SERPINB10: variants seen among roughly 807,000 people sequenced by gnomAD.
The protein encoded by SERPINB10 is serpin B10.
SERPINB10 carries 35 observed loss-of-function variants against 39.1 expected under a neutral mutation model. That is an observed-to-expected ratio of 0.90 (90% confidence interval 0.68 to 1.19). The LOEUF (loss-of-function observed/expected upper bound fraction) is 1.19, where lower values mean the gene tolerates loss of function less well. Among genes scored for constraint, SERPINB10 ranks in the 50% most tolerant of loss-of-function variants. The pLI, the probability that SERPINB10 is intolerant of heterozygous loss-of-function variation, is 0.00. For missense variants in SERPINB10, 546 were observed against 460.5 expected, an observed-to-expected ratio of 1.19 and a Z score of -1.70; for synonymous variants, 190 against 158.1, an observed-to-expected ratio of 1.20 and a Z score of -1.52.
intron 1 of SERPINB10, among the ~76,000 whole-genome samples, chr18:63,915,035 A>C (rs2050091264): frequency 6.6e-6 from 1 of 152,090 alleles, no homozygotes; most frequent in African/African-American, 2.4e-5. Flanking sequence ...CAAACCGTGA[A>C]TATCGTAAAT....
chr18:63,912,140 G>C (rs1262824338), intron 1 of SERPINB10, among the ~76,000 whole-genome samples: 1 of 152,010 alleles, frequency 6.6e-6, no homozygotes, highest in Non-Finnish European at 1.5e-5. Context: ...TTTGTGTTCT[G>C]AAGCTTTACT....
At chr18:63,915,119 A>G (rs1204673647) in intron 1 of SERPINB10, among the ~76,000 whole-genome samples, 1 of 152,130 alleles carries the variant, frequency 6.6e-6, no homozygotes, top group Non-Finnish European at 1.5e-5. Context: ...ACGAAGCAGC[A>G]TAAAAAGAAT....
chr18:63,929,712 C>CA (rs74169990), intron 5 of SERPINB10, among the ~76,000 whole-genome samples: 2,583 of 96,840 alleles, frequency 0.027, 62 homozygotes, highest in Non-Finnish European at 0.042. Context: ...AGCTAAAGTG[C>CA]AAAAAAAAAA....
At chr18:63,930,327 C>G in intron 6 of SERPINB10, 140 bp downstream of exon 6, 1 of 892,886 alleles carries the variant, frequency 1.1e-6, no homozygotes, top group Non-Finnish European at 1.7e-6. Flanking sequence ...GGCTAAAAGC[C>G]TTCAGTTCCA....
intron 5 of SERPINB10, among the ~76,000 whole-genome samples, chr18:63,926,000 C>T (rs961868402): frequency 1.3e-5 from 2 of 152,004 alleles, no homozygotes; most frequent in Non-Finnish European, 2.9e-5. Flanking sequence ...CACAGCATGA[C>T]TTTGGTGGTT....
chr18:63,909,982 GC>G (rs1169443502), intron 1 of SERPINB10, among the ~76,000 whole-genome samples: 1 of 151,900 alleles, frequency 6.6e-6, no homozygotes, highest in African/African-American at 2.4e-5. Flanking sequence ...ATTATCATAA[GC>G]TTTTGGAGTA....
chr18:63,933,661 C>G (rs993716272), intron 7 of SERPINB10, among the ~76,000 whole-genome samples: 7 of 152,162 alleles, frequency 4.6e-5, no homozygotes, highest in Non-Finnish European at 8.8e-5. Context: ...TCTTCCAAAA[C>G]TTATTTGTTG....
At chr18:63,908,353 A>G (rs140146527) in intron 1 of SERPINB10, among the ~76,000 whole-genome samples, 88 of 152,194 alleles carry the variant, frequency 5.8e-4, no homozygotes, top group African/African-American at 2.1e-3. Flanking sequence ...TCATCAGTGG[A>G]GTTTCCTCCA....
chr18:63,935,292 T>G lies in SERPINB10; in HGVS notation c.*50T>G. ...AGACCATCTTACAGTGTGAAAAATG[T>G]ACCATGAGATGGAAAAGCACAATTT... On this transcript the variant is annotated 3_prime_UTR_variant, in exon 8 of 8. Coordinates refer to ENST00000238508, the MANE Select transcript of SERPINB10 (RefSeq NM_005024.3). 6.7e-7 allele frequency: 1 copy of G among 1,491,804 alleles called. No individual in the cohort carries two copies. The highest frequency in any genetic ancestry group is 8.9e-7 in the Non-Finnish European group (1 of 1,125,484). 92.4% of individuals were successfully genotyped at this position (1,491,804 alleles called of 1,614,324 possible).
intron 5 of SERPINB10, among the ~76,000 whole-genome samples, chr18:63,922,364 T>C (rs2050152416): frequency 6.6e-6 from 1 of 152,026 alleles, no homozygotes; most frequent in African/African-American, 2.4e-5. Context: ...GTACTTGCAC[T>C]TTTGTAGCTT....
At chr18:63,917,260 C>T (rs976161138) in intron 2 of SERPINB10, among the ~76,000 whole-genome samples, 196 bp from the exon 3 acceptor site, 2 of 151,866 alleles carry the variant, frequency 1.3e-5, no homozygotes, top group Non-Finnish European at 2.9e-5. Flanking sequence ...AACTTAAATT[C>T]GACTTTAGAA....
chr18:63,914,987 T>G lies in SERPINB10; in HGVS notation c.-9-515T>G, dbSNP rs556656859. ...GCATTTTCCAATTAGTTGTGCATGA[T>G]TCCATGTTTGCATAAATTAAAAATG... On this transcript the variant is annotated intron_variant, in intron 1 of 7. Transcript: ENST00000238508. 2.6e-5 allele frequency among the ~76,000 whole-genome samples: 4 copies of G among 152,238 alleles called. No individual in the cohort carries two copies. The South Asian group carries it at 8.3e-4, about 32-fold the overall frequency.
intron 2 of SERPINB10, among the ~76,000 whole-genome samples, chr18:63,915,911 A>G (rs777081895): frequency 3.9e-5 from 6 of 152,128 alleles, no homozygotes; most frequent in Non-Finnish European, 8.8e-5. Flanking sequence ...TAGCAAAATA[A>G]AATGGAGAAA....
At chr18:63,918,987 T>C (rs899489581) in intron 4 of SERPINB10, among the ~76,000 whole-genome samples, 1 of 152,036 alleles carries the variant, frequency 6.6e-6, no homozygotes, top group Non-Finnish European at 1.5e-5. Flanking sequence ...TTCCTTTTAT[T>C]AGATTTTAAA....
intron 5 of SERPINB10, among the ~76,000 whole-genome samples, chr18:63,925,530 AG>A (rs1314887472): frequency 1.3e-5 from 2 of 152,028 alleles, no homozygotes; most frequent in African/African-American, 4.8e-5. Context: ...CCAACAGGGG[AG>A]GCTTCCAATG....
At chr18:63,922,334 G>A (rs2050152283) in intron 5 of SERPINB10, among the ~76,000 whole-genome samples, 2 of 151,994 alleles carry the variant, frequency 1.3e-5, no homozygotes, top group Non-Finnish European at 1.5e-5. Context: ...TAGAATTATA[G>A]ATTAGCTAGC....
At chr18:63,913,612 T>C (rs1478486426) in intron 1 of SERPINB10, among the ~76,000 whole-genome samples, 1 of 152,114 alleles carries the variant, frequency 6.6e-6, no homozygotes, top group Non-Finnish European at 1.5e-5. Context: ...TTTCTATTTT[T>C]ATTGCACTGT....
In SERPINB10 at chr18:63,920,427, A is replaced by C. The variant is rs553662147; in HGVS notation, c.490+522A>C. Among the ~76,000 whole-genome samples the C allele has an allele frequency of 2.0e-5, 3 of 152,118 alleles. No homozygotes were observed. In the South Asian group the frequency reaches 6.2e-4, roughly 32 times the overall value. The stretch of plus-strand genomic sequence containing the variant: ...AATAATAGTTCAAAGGTAGTTAGGC[A>C]TCCTGGCTTAGAGAGAGCATTTTGC... On this transcript the variant is annotated intron_variant, in intron 5 of 7. Transcript: ENST00000238508.
chr18:63,923,627 T>C (rs763638119), intron 5 of SERPINB10, among the ~76,000 whole-genome samples: 1 of 151,922 alleles, frequency 6.6e-6, no homozygotes, highest in African/African-American at 2.4e-5. Context: ...TTTATTTATT[T>C]ACTTTATAAC....
Sources: allele counts gnomAD v4.1 joint callset (sites outside exome capture counted in the v4.1 genomes callset), GRCh38; gene constraint gnomAD v4.1.1; transcripts MANE v1.5; gene names NCBI Gene and HGNC (gene_info 2026-07-23, HGNC 2026-07-21).